Variants in CPNE6 observed in about 807,000 individuals in gnomAD.
CPNE6 encodes the protein copine 6, also known as copine-6.
A neutral mutation model predicts 71.5 loss-of-function variants in CPNE6; 33 were observed. The observed-to-expected ratio is 0.46, with a 90% CI of 0.35 to 0.62. CPNE6 has a LOEUF of 0.62. CPNE6 is among the 20% of genes least tolerant of loss of function. The pLI is 0.00. For missense variants in CPNE6, 576 were observed against 747.3 expected (o/e 0.77, Z 2.67); for synonymous variants, 296 against 293.0 (o/e 1.01, Z -0.10).
In CPNE6 at chr14:24,075,656, A is replaced by T; in HGVS notation, c.864+65A>T. 1.4e-6 allele frequency: 2 copies of T among 1,451,924 alleles called. No individual in the cohort carries two copies. Among genetic ancestry groups the T allele is most frequent in the Non-Finnish European group, 1.9e-6 (2 of 1,049,528 alleles). 89.9% of individuals were successfully genotyped at this position (1,451,924 alleles called of 1,614,324 possible). On this transcript the variant is annotated intron_variant, in intron 10 of 17. Transcript: ENST00000397016. The surrounding 1 kb of genome is among the most constrained non-coding windows in gnomAD (Gnocchi z 4.3). Reference sequence around the variant, plus strand: ...TGCCCCTACCACACTCTCAGGTTCAACCCTTCCCTTGTTTCAAAGACCAGT... The same window carrying T: ...TGCCCCTACCACACTCTCAGGTTCATCCCTTCCCTTGTTTCAAAGACCAGT...
At chr14:24,070,965 C>T (rs758100618) in exon 1 of CPNE6, 16 of 1,534,498 alleles carry the variant, frequency 1.0e-5, no homozygotes, top group South Asian at 3.6e-5. Flanking sequence ...AAAGCTATGA[C>T]GTTCAGCAAG....
intron 2 of CPNE6, 113 bp from the exon 2 acceptor site, chr14:24,072,820 C>CA: frequency 1.0e-6 from 1 of 1,002,696 alleles, no homozygotes; most frequent in Non-Finnish European, 1.3e-6. Context: ...CGTGAGGCCC[C>CA]AGGGTCTAGG....
At position 24,072,786 on chromosome 14, in the gene CPNE6, G is replaced by C. The variant is rs2035940086; in HGVS notation, c.-4-147G>C. The C allele has an allele frequency of 2.3e-5, 15 of 645,342 alleles. No homozygotes were observed. The East Asian group carries it at 4.8e-4, about 21-fold the overall frequency. 40.0% of individuals were successfully genotyped at this position (645,342 alleles called of 1,614,324 possible). On this transcript the variant is annotated intron_variant, in intron 2 of 17. Coordinates refer to ENST00000397016, the Ensembl canonical transcript of CPNE6. ...CTGCCCTCCCCTGCTCAGAACTCTG[G>C]TGAAGCTGAGGAAGCAGGAGGTCCG... is the stretch of plus-strand genomic sequence containing the variant.
intron 1 of CPNE6, 120 bp from the exon 1 acceptor site, chr14:24,071,442 G>A: frequency 1.3e-6 from 2 of 1,498,046 alleles, no homozygotes; most frequent in Non-Finnish European, 1.8e-6. Context: ...CCAGGCTGTG[G>A]CCCTGCCCCT....
rs777010742 is a variant in CPNE6, at chr14:24,074,337, C to G, written c.470C>G (p.Thr157Ser). ...GGCACAAACGACTATGTGCAACTCA[C>G]CTTCAGAGCCTACAAGCTGGACAAC... Residue 157 changes from threonine (T) to serine (S), a missense_variant, in exon 6 of 18, where the codon ACC becomes AGC. Physicochemically the swap from Thr to Ser is moderately conservative, Grantham distance 58 (BLOSUM62 1). Coordinates refer to ENST00000397016, the Ensembl canonical transcript of CPNE6. This position sits in a 1 kb window ranked among gnomAD's most constrained non-coding sequence, Gnocchi z 4.5. The G allele has an allele frequency of 6.4e-7, 1 of 1,562,704 alleles. No individual in the cohort carries two copies. The highest frequency in any genetic ancestry group is 1.4e-5 in the African/African-American group (1 of 73,564).
rs369239814 is a variant in CPNE6 at position 24,073,712 on chromosome 14, C to T, written c.348+34C>T. The T allele has an allele frequency of 6.3e-7, 1 of 1,589,346 alleles. No homozygotes were observed. The highest frequency in any genetic ancestry group is 1.4e-5 in the African/African-American group (1 of 74,062). ...TCCCGGCCTCCCCGGCTACCCTACC[C>T]TACCTCCATCAGCTTTGCCTCTGGA... On this transcript the variant is annotated intron_variant, in intron 4 of 17. Coordinates refer to ENST00000397016, the Ensembl canonical transcript of CPNE6. This position sits in a 1 kb window ranked among gnomAD's most constrained non-coding sequence, Gnocchi z 5.5.
At chr14:24,072,652 A>C in intron 2 of CPNE6, 1 of 339,650 alleles carries the variant, frequency 2.9e-6, no homozygotes, top group Non-Finnish European at 5.3e-6. Flanking sequence ...AGGAGCCAAG[A>C]CTGCCAGGAA....
Position 24,075,961 on chromosome 14 carries a change from C to CT in CPNE6, c.924+76dup. 1 of 1,568,910 alleles carries CT rather than the reference C, an allele frequency of 6.4e-7. No homozygotes were observed. The highest frequency in any genetic ancestry group is 8.8e-7 in the Non-Finnish European group (1 of 1,140,822). Reference sequence around the variant, plus strand: ...ATAGTGAAAGGAAGGAGCCCAGAATCTCCACTGCCCCAACTTGGGCTGCTC... The same window carrying CT: ...ATAGTGAAAGGAAGGAGCCCAGAATCTTCCACTGCCCCAACTTGGGCTGCTC... On this transcript the variant is annotated intron_variant, in intron 11 of 17. Transcript: ENST00000397016. The surrounding 1 kb of genome is among the most constrained non-coding windows in gnomAD (Gnocchi z 4.3).
Position 24,073,922 on chromosome 14 carries a change from G to A in CPNE6, c.349-129G>A, listed in dbSNP as rs1266530319. On this transcript the variant is annotated intron_variant, in intron 4 of 17. Coordinates refer to ENST00000397016, the Ensembl canonical transcript of CPNE6. This position sits in a 1 kb window ranked among gnomAD's most constrained non-coding sequence, Gnocchi z 5.5. ...CTCTTCAGACTATTGTAAAAATTGAGCCCAACCCTAGCCCAACTCAAAGTG... is the reference window on the plus strand; with the variant it reads ...CTCTTCAGACTATTGTAAAAATTGAACCCAACCCTAGCCCAACTCAAAGTG... The A allele has an allele frequency of 2.1e-6, 2 of 935,682 alleles. No individual in the cohort carries two copies. Among genetic ancestry groups the A allele is most frequent in the Non-Finnish European group, 3.4e-6 (2 of 590,678 alleles). The allele number at this position is 935,682 out of a possible 1,614,324, so 58.0% of individuals were successfully genotyped here. A position where few individuals can be genotyped will look rare whatever the true frequency, so the allele number is the denominator to read the frequency against.
chr14:24,071,501 G>GCGCCC, intron 1 of CPNE6, 61 bp from the exon 1 acceptor site: 51 of 1,416,646 alleles, frequency 3.6e-5, no homozygotes, highest in Non-Finnish European at 4.5e-5. Context: ...CTGGTGCTGC[G>GCGCCC]CCCCCCCCCA....
In CPNE6 at chr14:24,075,398, C is replaced by G; in HGVS notation, c.778-107C>G. On this transcript the variant is annotated intron_variant, in intron 9 of 17. Coordinates refer to ENST00000397016, the Ensembl canonical transcript of CPNE6. This position sits in a 1 kb window ranked among gnomAD's most constrained non-coding sequence, Gnocchi z 4.3. ...GAGGGTGGAAAGCACCTGGGCTCAG[C>G]TGAAGGACGGAACCATGGGGGTCTT... 1 of 1,396,998 alleles carries G rather than the reference C, an allele frequency of 7.2e-7. No individual in the cohort carries two copies. The highest frequency in any genetic ancestry group is 1.2e-5 in the South Asian group (1 of 85,176). The allele number at this position is 1,396,998 out of a possible 1,614,324, so 86.5% of individuals were successfully genotyped here. A position where few individuals can be genotyped will look rare whatever the true frequency, so the allele number is the denominator to read the frequency against.
Position 24,073,826 on chromosome 14 carries a change from G to A in CPNE6, c.348+148G>A. 1.1e-6 allele frequency: 1 copy of A among 931,288 alleles called. No individual in the cohort carries two copies. The highest frequency in any genetic ancestry group is 1.6e-6 in the Non-Finnish European group (1 of 618,534). The allele number at this position is 931,288 out of a possible 1,614,324, so 57.7% of individuals were successfully genotyped here. On this transcript the variant is annotated intron_variant, in intron 4 of 17. Transcript: ENST00000397016. The surrounding 1 kb of genome is among the most constrained non-coding windows in gnomAD (Gnocchi z 5.5). ...GCCATTCACTAGCTGTGCAGCCTCA[G>A]GAAAGATACTTAACCTCTCTGAGTC... is the stretch of plus-strand genomic sequence containing the variant.
rs781352622 is a variant in CPNE6, at chr14:24,075,494, G to A, written c.778-11G>A. On this transcript the variant is annotated splice_polypyrimidine_tract_variant and intron_variant, in intron 9 of 17. Transcript: ENST00000397016. This position sits in a 1 kb window ranked among gnomAD's most constrained non-coding sequence, Gnocchi z 4.3. The stretch of plus-strand genomic sequence containing the variant: ...GGACTTGTGACCCTGAGCTTGTGGG[G>A]TGGGGTCTAGATGCAGTGGGACTGT... 1 of 1,608,308 alleles carries A rather than the reference G, an allele frequency of 6.2e-7. No homozygotes were observed. The highest frequency in any genetic ancestry group is 1.1e-5 in the South Asian group (1 of 90,070).
In CPNE6 at chr14:24,073,049, C is replaced by G; in HGVS notation, c.113C>G (p.Thr38Ser). The change falls in exon 3 of 18, where the codon ACC (threonine) becomes AGC (serine). Residue 38 changes from threonine to serine, a missense_variant. By Grantham distance (58) the Thr-to-Ser change is moderately conservative (BLOSUM62 1). Coordinates refer to ENST00000397016, the Ensembl canonical transcript of CPNE6. The surrounding 1 kb of genome is among the most constrained non-coding windows in gnomAD (Gnocchi z 5.5). ...GGCCTCCTGGACCGGGACACACTCA[C>G]CAAACCCCACCCCTGCGTGCTGCTC... The G allele has an allele frequency of 6.4e-7, 1 of 1,558,096 alleles. No individual in the cohort carries two copies. Among genetic ancestry groups the G allele is most frequent in the Non-Finnish European group, 8.7e-7 (1 of 1,154,012 alleles).
Position 24,077,796 on chromosome 14 carries a change from A to G in CPNE6, c.*37+29A>G. 1.4e-6 allele frequency: 2 copies of G among 1,449,898 alleles called. No homozygotes were observed. Among genetic ancestry groups the G allele is most frequent in the Non-Finnish European group, 1.8e-6 (2 of 1,100,594 alleles). 89.8% of individuals were successfully genotyped at this position (1,449,898 alleles called of 1,614,324 possible). ...AGTCCTGGGGCTTCCAAAGGAGTGGACACAGGGGGTGCAAAGTGGGGCTTG... is the reference window on the plus strand; with the variant it reads ...AGTCCTGGGGCTTCCAAAGGAGTGGGCACAGGGGGTGCAAAGTGGGGCTTG... On this transcript the variant is annotated intron_variant, in intron 17 of 17. Coordinates refer to ENST00000397016, the Ensembl canonical transcript of CPNE6. This position sits in a 1 kb window ranked among gnomAD's most constrained non-coding sequence, Gnocchi z 6.1.
intron 1 of CPNE6, 59 bp from the exon 1 acceptor site, chr14:24,071,501 GCC>G (rs372732697): frequency 4.9e-6 from 7 of 1,416,654 alleles, no homozygotes; most frequent in East Asian, 2.7e-5. Context: ...CTGGTGCTGC[GCC>G]CCCCCCCACC....
Position 24,075,870 on chromosome 14 carries a change from GC to G in CPNE6, c.910del (p.Gln304ArgfsTer143). On this transcript the variant is annotated frameshift_variant, in exon 11 of 18. Coordinates refer to ENST00000397016, the Ensembl canonical transcript of CPNE6. LOFTEE classifies it high-confidence loss of function. This position sits in a 1 kb window ranked among gnomAD's most constrained non-coding sequence, Gnocchi z 4.3. ...TTCCTGGATTACATCATGGGTGGCT[GC>G]CAGATCAGCTTCACGGTAAAGACTC... The G allele has an allele frequency of 6.2e-7, 1 of 1,614,090 alleles. No homozygotes were observed. The highest frequency in any genetic ancestry group is 8.5e-7 in the Non-Finnish European group (1 of 1,180,010).
rs761234762 is a variant in CPNE6, at chr14:24,075,207, T to C, written c.708T>C (p.His236=). ...ATGACTATGACTCCAGTGGGAAGCA[T>C]GACTTCATCGGCGAGTTCACCAGCA... The change falls in exon 9 of 18, where the codon CAT becomes CAC. Residue 236 remains histidine (H), a synonymous_variant. Transcript: ENST00000397016. This position sits in a 1 kb window ranked among gnomAD's most constrained non-coding sequence, Gnocchi z 4.3. 38 of 1,613,732 alleles carry C rather than the reference T, an allele frequency of 2.4e-5. No homozygotes were observed. The highest frequency in any genetic ancestry group is 3.2e-5 in the Non-Finnish European group (38 of 1,179,994).
chr14:24,077,801 G>C lies in CPNE6; in HGVS notation c.*37+34G>C, dbSNP rs891092524. ...TGGGGCTTCCAAAGGAGTGGACACAGGGGGTGCAAAGTGGGGCTTGGTAGA... is the reference window on the plus strand; with the variant it reads ...TGGGGCTTCCAAAGGAGTGGACACACGGGGTGCAAAGTGGGGCTTGGTAGA... On this transcript the variant is annotated intron_variant, in intron 17 of 17. Coordinates refer to ENST00000397016, the Ensembl canonical transcript of CPNE6. This position sits in a 1 kb window ranked among gnomAD's most constrained non-coding sequence, Gnocchi z 6.1. 1 of 1,440,756 alleles carries C rather than the reference G, an allele frequency of 6.9e-7. No individual in the cohort carries two copies. Among genetic ancestry groups the C allele is most frequent in the Non-Finnish European group, 9.1e-7 (1 of 1,095,696 alleles). 89.2% of individuals were successfully genotyped at this position (1,440,756 alleles called of 1,614,324 possible). A position where few individuals can be genotyped will look rare whatever the true frequency, so the allele number is the denominator to read the frequency against.
Sources: gnomAD v4.1 joint callset for allele counts on GRCh38, gnomAD v4.1.1 for gene constraint, Gnocchi (gnomAD v3.1) non-coding constraint, MANE v1.5 for transcripts, NCBI Gene and HGNC (gene_info 2026-07-23, HGNC 2026-07-21) for gene names.